Variants in ST6GALNAC2 observed in about 807,000 individuals in gnomAD.
ST6GALNAC2 encodes alpha-N-acetylgalactosaminide alpha-2,6-sialyltransferase 2.
In ST6GALNAC2, 42 loss-of-function variants were observed where a neutral mutation model predicts 38.7. The observed-to-expected ratio is 1.09, with a 90% confidence interval of 0.85 to 1.40. The LOEUF (loss-of-function observed/expected upper bound fraction) is 1.40. Ranked by LOEUF, ST6GALNAC2 falls within the 40% of genes most tolerant of loss-of-function variation. The pLI is 0.00. For missense variants in ST6GALNAC2, 506 were observed against 481.7 expected, an observed-to-expected ratio of 1.05 and a Z score of -0.47; for synonymous variants, 233 against 209.0, an observed-to-expected ratio of 1.11 and a Z score of -0.99.
chr17:76,568,612 G>T, intron 7 of ST6GALNAC2, 101 bp downstream of exon 7: 3 of 1,113,774 alleles, frequency 2.7e-6, no homozygotes, highest in Non-Finnish European at 4.1e-6. Context: ...CTGGTTATCG[G>T]TCAGTGCGTG....
chr17:76,580,588 T>TGGG lies in ST6GALNAC2; in HGVS notation c.126-1773_126-1772insCCC, dbSNP rs1260836459. On this transcript the variant is annotated intron_variant, in intron 1 of 8. Transcript: ENST00000225276. Reference sequence around the variant, plus strand: ...GCGGGTGCCTGTAGTCTCAGCTACTTAGGAGGCTGAGGCCCAGGCTACTCG... The same window carrying TGGG: ...GCGGGTGCCTGTAGTCTCAGCTACTTGGGAGGAGGCTGAGGCCCAGGCTACTCG... Among the ~76,000 whole-genome samples the TGGG allele has an allele frequency of 9.2e-4, 139 of 151,618 alleles. 3 individuals are homozygous for TGGG. The East Asian group carries it at 0.025, about 27-fold the overall frequency.
At chr17:76,566,734 A>C (rs1402572182) in intron 8 of ST6GALNAC2, among the ~76,000 whole-genome samples, 1 of 150,820 alleles carries the variant, frequency 6.6e-6, no homozygotes, top group Non-Finnish European at 1.5e-5. Flanking sequence ...GTGGCAGTAC[A>C]TGCCTGTGAT....
At position 76,566,286 on chromosome 17, in the gene ST6GALNAC2, T is replaced by C. The variant is rs779258134; in HGVS notation, c.958-15A>G. The C allele has an allele frequency of 1.2e-6, 2 of 1,613,570 alleles. No individual in the cohort carries two copies. The highest frequency in any genetic ancestry group is 1.7e-6 in the Non-Finnish European group (2 of 1,179,728). On this transcript the variant is annotated splice_polypyrimidine_tract_variant and intron_variant, in intron 8 of 8. Transcript: ENST00000225276. ...TAGGCACTGACCTGGGCAAGGATAGTCGCTGGATTAGTATTTGTTGAGCGT... is the reference window on the plus strand; with the variant it reads ...TAGGCACTGACCTGGGCAAGGATAGCCGCTGGATTAGTATTTGTTGAGCGT...
At chr17:76,568,441 G>A (rs564971354) in intron 7 of ST6GALNAC2, 4 of 508,732 alleles carry the variant, frequency 7.9e-6, no homozygotes, top group African/African-American at 5.8e-5. Flanking sequence ...TATGGTCCCA[G>A]CTCCCAGTCT....
Position 76,567,444 on chromosome 17 carries a change from G to C in ST6GALNAC2, c.957+9C>G. On this transcript the variant is annotated intron_variant, in intron 8 of 8. Transcript: ENST00000225276. ...CCGGCATGGGCTTCTGGAAGAGAAG[G>C]CCTCTTACCTGGTCACAGGTATGCA... The C allele has an allele frequency of 2.5e-6, 4 of 1,601,100 alleles. No homozygotes were observed. The highest frequency in any genetic ancestry group is 1.7e-4 in the Middle Eastern group (1 of 6,040).
At chr17:76,576,211 G>A (rs2075413933) in intron 2 of ST6GALNAC2, among the ~76,000 whole-genome samples, 2 of 152,174 alleles carry the variant, frequency 1.3e-5, no homozygotes, top group Admixed American at 1.3e-4. Context: ...AGACTGCACT[G>A]CAGCCTGGGC....
chr17:76,578,899 C>G (rs1156333296), intron 1 of ST6GALNAC2, 83 bp from the exon 2 acceptor site: 1 of 1,231,238 alleles, frequency 8.1e-7, no homozygotes, highest in South Asian at 1.4e-5. Flanking sequence ...ACCCCCTTAG[C>G]TCTAGGGGCG....
At chr17:76,582,386 T>TGCCCAGTCTGGTG (rs71158027) in intron 1 of ST6GALNAC2, among the ~76,000 whole-genome samples, 1 of 139,844 alleles carries the variant, frequency 7.2e-6, no homozygotes, top group Non-Finnish European at 1.5e-5. Flanking sequence ...TTTGCCATGT[T>TGCCCAGTCTGGTG]TCAAACTCCT....
At chr17:76,569,007 C>T (rs1210620838) in intron 6 of ST6GALNAC2, 19 of 390,144 alleles carry the variant, frequency 4.9e-5, no homozygotes, top group Non-Finnish European at 6.8e-5. Context: ...CCTCCACGGG[C>T]GGGGTGTAGG....
intron 2 of ST6GALNAC2, among the ~76,000 whole-genome samples, chr17:76,576,786 C>T (rs1360796522): frequency 6.6e-6 from 1 of 151,980 alleles, no homozygotes; most frequent in African/African-American, 2.4e-5. Context: ...GCCTGAGCAA[C>T]GTGGTGAAAC....
At chr17:76,569,530 C>A in intron 6 of ST6GALNAC2, 1 of 205,030 alleles carries the variant, frequency 4.9e-6, no homozygotes, top group Non-Finnish European at 8.0e-6. Context: ...GGAAGAGCCC[C>A]GAGTGGGGGA....
At chr17:76,569,395 G>T in intron 6 of ST6GALNAC2, 1 of 396,056 alleles carries the variant, frequency 2.5e-6, no homozygotes, top group Admixed American at 4.4e-5. Context: ...TTTGGAGGTG[G>T]GTGGGGTGGG....
intron 1 of ST6GALNAC2, 72 bp downstream of exon 1, chr17:76,585,612 C>T (rs964826385): frequency 8.4e-6 from 12 of 1,425,960 alleles, no homozygotes; most frequent in Admixed American, 2.9e-5. Flanking sequence ...CGCCGGGGAG[C>T]CCTGGGCTGG....
chr17:76,583,007 T>C (rs1046061483), intron 1 of ST6GALNAC2, among the ~76,000 whole-genome samples: 1 of 152,244 alleles, frequency 6.6e-6, no homozygotes, highest in Non-Finnish European at 1.5e-5. Flanking sequence ...TGCATTATAA[T>C]AGAAGTATAG....
intron 7 of ST6GALNAC2, 39 bp downstream of exon 7, chr17:76,568,674 A>G (rs1340667286): frequency 4.4e-6 from 7 of 1,604,700 alleles, no homozygotes; most frequent in Non-Finnish European, 6.0e-6. Flanking sequence ...AAAAGGGGGA[A>G]GGAAGGGGAC....
In ST6GALNAC2 at chr17:76,568,740, G is replaced by A. The variant is rs147972239; in HGVS notation, c.830C>T (p.Pro277Leu). 8.7e-6 allele frequency: 14 copies of A among 1,613,578 alleles called. No individual in the cohort carries two copies. The highest frequency in any genetic ancestry group is 3.3e-5 in the South Asian group (3 of 91,078). Residue 277 changes from proline (P) to leucine (L), a missense_variant, in exon 7 of 9, where the codon CCG becomes CTG. Transcript: ENST00000225276. ...ASASKFKLLH[P>L]DFISYLTERF... ...TTCTGTCAGGTAGCTGATGAAGTCC[G>A]GATGTAGCAGCTTGAATTTACTGGC...
intron 1 of ST6GALNAC2, among the ~76,000 whole-genome samples, chr17:76,580,416 C>T (rs1404257699): frequency 6.8e-6 from 1 of 147,188 alleles, no homozygotes; most frequent in Non-Finnish European, 1.5e-5. Context: ...AAACTCCTGG[C>T]CGGGTGCGGT....
At chr17:76,577,226 C>A (rs1341971410) in intron 2 of ST6GALNAC2, among the ~76,000 whole-genome samples, 1 of 151,568 alleles carries the variant, frequency 6.6e-6, no homozygotes, top group Non-Finnish European at 1.5e-5. Context: ...GCCACCATGC[C>A]TGGCTAATTT....
At chr17:76,566,761 C>T (rs922304189) in intron 8 of ST6GALNAC2, among the ~76,000 whole-genome samples, 2 of 151,444 alleles carry the variant, frequency 1.3e-5, no homozygotes, top group Non-Finnish European at 2.9e-5. Flanking sequence ...TACCCAGCTA[C>T]TTGGGAAGCT....
Sources: allele counts gnomAD v4.1 joint callset (sites outside exome capture counted in the v4.1 genomes callset), GRCh38; gene constraint gnomAD v4.1.1; transcripts MANE v1.5; gene names NCBI Gene and HGNC (gene_info 2026-07-23, HGNC 2026-07-21).